MAP3K21: variants seen among roughly 807,000 people sequenced by gnomAD.
MAP3K21 encodes mitogen-activated protein kinase kinase kinase 21.
Under a neutral mutation model 86.1 loss-of-function variants are expected in MAP3K21, and 63 were observed. That is an observed-to-expected ratio of 0.73 (90% CI 0.60 to 0.90). The LOEUF is 0.90. Ranked by LOEUF, MAP3K21 falls within the 40% of genes least tolerant of loss-of-function variation. MAP3K21 has a pLI of 0.00. For missense variants in MAP3K21, 1,220 were observed against 1,367.7 expected (o/e 0.89, Z 1.70); for synonymous variants, 558 against 564.8 (o/e 0.99, Z 0.17).
rs754592533 is a variant in MAP3K21 at position 233,375,927 on chromosome 1, G to A, written c.1687G>A (p.Glu563Lys). The A allele has an allele frequency of 6.2e-7, 1 of 1,611,542 alleles. No individual in the cohort carries two copies. The highest frequency in any genetic ancestry group is 1.1e-5 in the South Asian group (1 of 90,732). Reference protein sequence around the residue: ...RLRAIQLTSDESNKTWGRNTV... With the variant: ...RLRAIQLTSDKSNKTWGRNTV... ...AATGTTCTTTTTAGTGACTTCAGAT[G>A]AAAGCAATAAAACTTGGGGAAGGAA... The change falls in exon 7 of 10, where the codon GAA becomes AAA. Residue 563 changes from glutamate to lysine, a missense_variant. Around this residue, in one of 5 missense-constraint regions of MAP3K21, gnomAD observed 632 missense variants for 691.3 expected, o/e 0.91. Coordinates refer to ENST00000366624, the MANE Select transcript of MAP3K21 (RefSeq NM_032435.3).
chr1:233,353,986 G>T (rs765376115), intron 3 of MAP3K21, 31 bp downstream of exon 3: 1 of 1,427,138 alleles, frequency 7.0e-7, no homozygotes. Context: ...TGTCTTTGTG[G>T]GGGCAAGAAT....
At chr1:233,356,342 T>C (rs1663356853) in intron 4 of MAP3K21, among the ~76,000 whole-genome samples, 1 of 152,212 alleles carries the variant, frequency 6.6e-6, no homozygotes, top group Non-Finnish European at 1.5e-5. Flanking sequence ...ATACACAGCA[T>C]TGAACATGGG....
chr1:233,363,035 T>C (rs1408267490), intron 5 of MAP3K21, among the ~76,000 whole-genome samples: 1 of 152,190 alleles, frequency 6.6e-6, no homozygotes, highest in Non-Finnish European at 1.5e-5. Context: ...TATATTCTAC[T>C]TGTTGTAAGG....
In MAP3K21 at chr1:233,354,517, C is replaced by T. The variant is rs1663311091; in HGVS notation, c.1136-319C>T. Among the ~76,000 whole-genome samples the T allele has an allele frequency of 2.6e-5, 4 of 152,132 alleles. No individual in the cohort carries two copies. In the South Asian group the frequency reaches 8.3e-4, roughly 32 times the overall value. The stretch of plus-strand genomic sequence containing the variant: ...TCAGTAAATGATCTGGTTATGGTGG[C>T]TTAACCCCCTGAAACATGGTATCCA... On this transcript the variant is annotated intron_variant, in intron 3 of 9. Coordinates refer to ENST00000366624, the MANE Select transcript of MAP3K21 (RefSeq NM_032435.3).
At chr1:233,354,747 A>C in intron 3 of MAP3K21, 89 bp from the exon 4 acceptor site, 1 of 1,052,228 alleles carries the variant, frequency 9.5e-7, no homozygotes, top group Non-Finnish European at 1.4e-6. Flanking sequence ...GACAAATGTT[A>C]AGTTGAAATA....
rs1317504924 is a variant in MAP3K21 at position 233,328,870 on chromosome 1, T to G, written c.805+37T>G. The G allele has an allele frequency of 6.9e-7, 1 of 1,457,458 alleles. No individual in the cohort carries two copies. Among genetic ancestry groups the G allele is most frequent in the African/African-American group, 1.5e-5 (1 of 68,252 alleles). 90.3% of individuals were successfully genotyped at this position (1,457,458 alleles called of 1,614,324 possible). A position where few individuals can be genotyped will look rare whatever the true frequency, so the allele number is the denominator to read the frequency against. On this transcript the variant is annotated intron_variant, in intron 1 of 9. Transcript: ENST00000366624. This position sits in a 1 kb window ranked among gnomAD's most constrained non-coding sequence, Gnocchi z 8.7. ...CAGAGGGAGGTGGGGGAAGACTACC[T>G]CCGTGCCAGCCCAGGCGGGCTCCAC...
Position 233,363,943 on chromosome 1 carries a change from G to A in MAP3K21, c.1552+1650G>A, listed in dbSNP as rs1663517380. Among the ~76,000 whole-genome samples the A allele has an allele frequency of 2.0e-5, 3 of 152,076 alleles. No homozygotes were observed. The South Asian group carries it at 6.2e-4, about 32-fold the overall frequency. Reference sequence around the variant, plus strand: ...GCGGGGGAATCTCTTGAACCCGGGAGCTGGAAGTTGCAGTGAGCCGAAATT... The same window carrying A: ...GCGGGGGAATCTCTTGAACCCGGGAACTGGAAGTTGCAGTGAGCCGAAATT... On this transcript the variant is annotated intron_variant, in intron 5 of 9. Coordinates refer to ENST00000366624, the MANE Select transcript of MAP3K21 (RefSeq NM_032435.3).
intron 5 of MAP3K21, among the ~76,000 whole-genome samples, chr1:233,366,256 G>A (rs889475949): frequency 3.9e-5 from 6 of 152,112 alleles, no homozygotes; most frequent in Admixed American, 3.3e-4. Context: ...CTAGGTAGGA[G>A]GAATGAGTTC....
intron 5 of MAP3K21, among the ~76,000 whole-genome samples, chr1:233,367,275 T>C (rs953363570): frequency 5.3e-5 from 8 of 152,212 alleles, no homozygotes; most frequent in African/African-American, 1.9e-4. Context: ...CTGGATTCTT[T>C]AGAGAATACA....
At chr1:233,361,729 T>TG (rs1663468666) in intron 4 of MAP3K21, among the ~76,000 whole-genome samples, 1 of 152,154 alleles carries the variant, frequency 6.6e-6, no homozygotes, top group Non-Finnish European at 1.5e-5. Context: ...GGGAGAAATG[T>TG]GAAAAACCAA....
chr1:233,362,921 T>TATCA (rs954007902), intron 5 of MAP3K21, among the ~76,000 whole-genome samples: 1 of 152,114 alleles, frequency 6.6e-6, no homozygotes, highest in Non-Finnish European at 1.5e-5. Context: ...ATAGAAAATA[T>TATCA]ATCAATCAAT....
intron 1 of MAP3K21, among the ~76,000 whole-genome samples, chr1:233,332,594 C>G (rs1662829049): frequency 6.6e-6 from 1 of 152,008 alleles, no homozygotes; most frequent in Non-Finnish European, 1.5e-5. Context: ...TCAAGGTTGT[C>G]TATATGAGAG....
chr1:233,349,152 A>G (rs566660479), intron 2 of MAP3K21, among the ~76,000 whole-genome samples: 2 of 152,326 alleles, frequency 1.3e-5, no homozygotes, highest in African/African-American at 4.8e-5. Flanking sequence ...TAGACTGTCT[A>G]CTGGTGAAGG....
intron 1 of MAP3K21, among the ~76,000 whole-genome samples, chr1:233,332,876 A>T (rs972120446): frequency 6.6e-6 from 1 of 151,874 alleles, no homozygotes; most frequent in African/African-American, 2.4e-5. Context: ...TTCCATGGGG[A>T]ACTGAGCCAC....
At chr1:233,349,446 G>C (rs879810918) in intron 2 of MAP3K21, among the ~76,000 whole-genome samples, 1 of 152,150 alleles carries the variant, frequency 6.6e-6, no homozygotes, top group Non-Finnish European at 1.5e-5. Context: ...GTATACGAAT[G>C]CTGTGCGGTC....
chr1:233,328,068 G>T lies in MAP3K21; in HGVS notation c.40G>T (p.Val14Leu). The T allele has an allele frequency of 1.5e-6, 2 of 1,343,160 alleles. No homozygotes were observed. Among genetic ancestry groups the T allele is most frequent in the East Asian group, 6.3e-5 (2 of 31,908 alleles). The allele number at this position is 1,343,160 out of a possible 1,614,324, so 83.2% of individuals were successfully genotyped here. A position where few individuals can be genotyped will look rare whatever the true frequency, so the allele number is the denominator to read the frequency against. ...RGAAGATDTP[V>L]SSAGGAPGGS... ...CGCCGCGGGAGCGACCGACACCCCG[G>T]TGTCCTCGGCCGGGGGAGCCCCCGG... Residue 14 changes from valine (V) to leucine (L), a missense_variant, in exon 1 of 10, where the codon GTG (valine) becomes TTG (leucine). Physicochemically the swap from Val to Leu is conservative, Grantham distance 32. Coordinates refer to ENST00000366624, the MANE Select transcript of MAP3K21 (RefSeq NM_032435.3). The surrounding 1 kb of genome is among the most constrained non-coding windows in gnomAD (Gnocchi z 8.7).
intron 5 of MAP3K21, among the ~76,000 whole-genome samples, chr1:233,367,406 C>T (rs1227234700): frequency 6.7e-6 from 1 of 149,576 alleles, no homozygotes; most frequent in Admixed American, 6.6e-5. Flanking sequence ...TGAACTATAG[C>T]TGCTATGACC....
intron 8 of MAP3K21, among the ~76,000 whole-genome samples, chr1:233,377,076 T>G (rs1663812427): frequency 6.6e-6 from 1 of 151,570 alleles, no homozygotes; most frequent in Admixed American, 6.6e-5. Flanking sequence ...GCCTGGACAA[T>G]AGAGTGAATG....
chr1:233,347,992 T>A (rs981052926), intron 2 of MAP3K21, among the ~76,000 whole-genome samples: 3 of 152,212 alleles, frequency 2.0e-5, no homozygotes, highest in African/African-American at 7.2e-5. Context: ...TTCGTTGAGA[T>A]ATGATTCACA....
Sources: gnomAD v4.1 joint callset for allele counts (sites outside exome capture counted in the v4.1 genomes callset) on GRCh38, gnomAD v4.1.1 for gene constraint, gnomAD v4.1.1 regional missense constraint, Gnocchi (gnomAD v3.1) non-coding constraint, MANE v1.5 for transcripts, NCBI Gene and HGNC (gene_info 2026-07-23, HGNC 2026-07-21) for gene names.